THADA: variants seen among roughly 807,000 people sequenced by gnomAD.
THADA encodes the protein tRNA (32-2'-O)-methyltransferase regulator THADA.
In THADA, 213 loss-of-function variants were observed where a neutral mutation model predicts 219.8. That is an observed-to-expected ratio of 0.97 (90% CI 0.87 to 1.09). The LOEUF (loss-of-function observed/expected upper bound fraction) is 1.09, where lower values mean the gene tolerates loss of function less well. THADA is among the 50% of genes least tolerant of loss of function. The pLI, the probability that THADA is intolerant of heterozygous loss-of-function variation, is 0.00. For synonymous variants in THADA, 1,018 were observed against 828.9 expected (o/e 1.23, Z -3.92); for missense variants, 2,956 against 2,311.3 (o/e 1.28, Z -5.72).
At chr2:43,384,649 A>G (rs1672421947) in intron 29 of THADA, among the ~76,000 whole-genome samples, 1 of 152,196 alleles carries the variant, frequency 6.6e-6, no homozygotes, top group Admixed American at 6.5e-5. Context: ...CAATCTGATC[A>G]ATGCATACTT....
At chr2:43,400,470 T>TATATATATATATAAAAAA (rs1273903312) in intron 28 of THADA, among the ~76,000 whole-genome samples, 2 of 143,452 alleles carry the variant, frequency 1.4e-5, no homozygotes, top group African/African-American at 5.2e-5. Context: ...TATATATATA[T>TATATATATATATAAAAAA]ATATATAAAT....
At chr2:43,541,500 G>A (rs1035945070) in intron 20 of THADA, among the ~76,000 whole-genome samples, 184 bp from the exon 21 acceptor site, 1 of 151,908 alleles carries the variant, frequency 6.6e-6, no homozygotes, top group African/African-American at 2.4e-5. Flanking sequence ...AAGAAATCAT[G>A]CTAAGTTTTT....
chr2:43,559,178 G>A (rs1422702501), intron 16 of THADA, among the ~76,000 whole-genome samples: 6 of 152,174 alleles, frequency 3.9e-5, no homozygotes, highest in Admixed American at 2.6e-4. Context: ...TAAAAACTGT[G>A]TATGGTAACA....
intron 26 of THADA, among the ~76,000 whole-genome samples, chr2:43,464,639 C>T (rs992809211): frequency 6.6e-6 from 1 of 152,160 alleles, no homozygotes; most frequent in African/African-American, 2.4e-5. Context: ...CAAGAACAAA[C>T]CAAAATTCCC....
chr2:43,286,051 C>T (rs1673963412), intron 35 of THADA, among the ~76,000 whole-genome samples: 1 of 152,174 alleles, frequency 6.6e-6, no homozygotes, highest in Non-Finnish European at 1.5e-5. Context: ...GTTCTCTCTT[C>T]CTTGCTGCCA....
intron 36 of THADA, among the ~76,000 whole-genome samples, chr2:43,251,221 A>G (rs1342045141): frequency 1.3e-5 from 2 of 152,244 alleles, no homozygotes; most frequent in African/African-American, 4.8e-5. Context: ...AGCAGAGATC[A>G]GATCAGATCA....
In THADA at chr2:43,552,267, G is replaced by T. The variant is rs770280848; in HGVS notation, c.2747C>A (p.Ala916Glu). 6.2e-7 allele frequency: 1 copy of T among 1,611,534 alleles called. No individual in the cohort carries two copies. Among genetic ancestry groups the T allele is most frequent in the East Asian group, 2.2e-5 (1 of 44,838 alleles). Residue 916 changes from alanine to glutamate, a missense_variant, in exon 18 of 38, where the codon GCA (alanine) becomes GAA (glutamate). By Grantham distance (107) the Ala-to-Glu change is moderately radical (BLOSUM62 -1). Transcript: ENST00000405975. ...GACTCGCCCATACATTGGAAATGCT[G>T]CTGCTGCCTGAAGCAGAGAATTTTC... ...QAENSLLQAAAAFPMYGRVHC... is the reference protein window; with the variant it reads ...QAENSLLQAAEAFPMYGRVHC...
At chr2:43,512,936 T>C (rs1263849498) in intron 22 of THADA, among the ~76,000 whole-genome samples, 1 of 152,252 alleles carries the variant, frequency 6.6e-6, no homozygotes, top group Non-Finnish European at 1.5e-5. Context: ...ACTTCATTCT[T>C]GGAACAAACT....
intron 36 of THADA, among the ~76,000 whole-genome samples, chr2:43,276,232 G>A (rs1170596028): frequency 1.3e-5 from 2 of 152,130 alleles, no homozygotes; most frequent in South Asian, 2.1e-4. Flanking sequence ...GGGGAGGGAG[G>A]GGCAGAGAGG....
At chr2:43,296,109 A>G (rs1675343388) in intron 31 of THADA, among the ~76,000 whole-genome samples, 2 of 151,832 alleles carry the variant, frequency 1.3e-5, no homozygotes, top group African/African-American at 4.8e-5. Context: ...TAGTAGAGAC[A>G]GGGTTTTGCC....
intron 36 of THADA, among the ~76,000 whole-genome samples, chr2:43,262,699 T>C (rs1671093838): frequency 6.6e-6 from 1 of 152,258 alleles, no homozygotes; most frequent in Admixed American, 6.5e-5. Context: ...GTAGTTACTA[T>C]AAAATGTCTA....
At chr2:43,291,484 C>T (rs1368664765) in intron 34 of THADA, among the ~76,000 whole-genome samples, 3 of 66,584 alleles carry the variant, frequency 4.5e-5, no homozygotes, top group Non-Finnish European at 9.6e-5. Context: ...AAAAAAAAAT[C>T]CTAAAACAAG....
In THADA at chr2:43,518,022, A is replaced by G. The variant is rs527699824; in HGVS notation, c.3375-9242T>C. 3.9e-5 allele frequency among the ~76,000 whole-genome samples: 6 copies of G among 152,314 alleles called. No homozygotes were observed. In the East Asian group the frequency reaches 1.2e-3, roughly 29 times the overall value. On this transcript the variant is annotated intron_variant, in intron 22 of 37. Coordinates refer to ENST00000405975, the MANE Select transcript of THADA (RefSeq NM_022065.5). ...CCTGGCTGAAATATTACTTTAGTCT[A>G]GTAGGAAAGAATCTTCCTTACCACC...
At chr2:43,338,261 A>G (rs979679945) in intron 30 of THADA, among the ~76,000 whole-genome samples, 9 of 150,196 alleles carry the variant, frequency 6.0e-5, no homozygotes, top group African/African-American at 2.0e-4. Flanking sequence ...GGTTCAAGCG[A>G]TTCTCCTGCT....
At chr2:43,522,878 G>A (rs888802413) in intron 22 of THADA, among the ~76,000 whole-genome samples, 2 of 151,808 alleles carry the variant, frequency 1.3e-5, no homozygotes, top group African/African-American at 4.8e-5. Flanking sequence ...GCAAGATCGC[G>A]CCACTGCAGT....
In THADA at chr2:43,569,580, C is replaced by T. The variant is rs560622748; in HGVS notation, c.2187+808G>A. ...ATTTTACCCTTTGTATATAAATACT[C>T]TTTGTTTGATGGCTTTTTATCTTTT... On this transcript the variant is annotated intron_variant, in intron 14 of 37. Transcript: ENST00000405975. Among the ~76,000 whole-genome samples the T allele has an allele frequency of 9.3e-4, 141 of 152,274 alleles. 1 individual carries two copies. The highest frequency in any genetic ancestry group is 3.3e-3 in the African/African-American group (138 of 41,552).
At chr2:43,237,711 G>A (rs778681241) in intron 36 of THADA, among the ~76,000 whole-genome samples, 5 of 151,644 alleles carry the variant, frequency 3.3e-5, no homozygotes, top group South Asian at 2.1e-4. Flanking sequence ...GAGCCACCAC[G>A]CTTGGCCTTA....
At chr2:43,250,448 C>T (rs540215597) in intron 36 of THADA, among the ~76,000 whole-genome samples, 26 of 152,066 alleles carry the variant, frequency 1.7e-4, no homozygotes, top group African/African-American at 5.3e-4. Context: ...GTGATGAAAC[C>T]GTTCTGGAAC....
At chr2:43,277,576 T>C (rs1672859475) in intron 36 of THADA, among the ~76,000 whole-genome samples, 1 of 152,250 alleles carries the variant, frequency 6.6e-6, no homozygotes, top group African/African-American at 2.4e-5. Flanking sequence ...AGCAGAGCTC[T>C]GTCTGCATCC....
Sources: gnomAD v4.1 joint callset for allele counts (sites outside exome capture counted in the v4.1 genomes callset) on GRCh38, gnomAD v4.1.1 for gene constraint, MANE v1.5 for transcripts, NCBI Gene and HGNC (gene_info 2026-07-23, HGNC 2026-07-21) for gene names.